RUNX1: variants seen among roughly 807,000 people sequenced by gnomAD.
The protein encoded by RUNX1 is runt-related transcription factor 1.
A neutral mutation model predicts 42.8 loss-of-function variants in RUNX1; 19 were observed. The observed-to-expected ratio is 0.44, with a 90% CI of 0.31 to 0.65. The LOEUF (loss-of-function observed/expected upper bound fraction) is 0.65, where lower values mean the gene tolerates loss of function less well. Ranked by LOEUF, RUNX1 falls within the 30% of genes least tolerant of loss-of-function variation. The probability of loss-of-function intolerance (pLI) is 0.07; values close to 1 mark genes in which losing one functional copy is unlikely to be tolerated. For missense variants in RUNX1, 528 were observed against 672.0 expected, an observed-to-expected ratio of 0.79 and a Z score of 2.37; for synonymous variants, 271 against 289.4, an observed-to-expected ratio of 0.94 and a Z score of 0.64.
chr21:34,962,559 T>C (rs1484929757), intron 2 of RUNX1, among the ~76,000 whole-genome samples: 1 of 148,770 alleles, frequency 6.7e-6, no homozygotes, highest in Admixed American at 6.8e-5. Context: ...TGCTCAACCA[T>C]TGATGTGATT....
At chr21:34,801,228 A>G (rs1307055368) in intron 7 of RUNX1, among the ~76,000 whole-genome samples, 1 of 152,094 alleles carries the variant, frequency 6.6e-6, no homozygotes, top group Non-Finnish European at 1.5e-5. Context: ...CAAACAAAAG[A>G]GGTTTCAGAA....
chr21:34,973,362 C>T (rs944995878), intron 2 of RUNX1, among the ~76,000 whole-genome samples: 3 of 152,178 alleles, frequency 2.0e-5, no homozygotes, highest in Non-Finnish European at 2.9e-5. Flanking sequence ...GCTCAAATCC[C>T]TGCAACGTAC....
chr21:34,948,814 C>T (rs1267868771), intron 2 of RUNX1, among the ~76,000 whole-genome samples: 1 of 152,068 alleles, frequency 6.6e-6, no homozygotes, highest in Non-Finnish European at 1.5e-5. Flanking sequence ...GGCGCGGTCT[C>T]AGCTCATTGC....
chr21:34,810,422 CAAT>C (rs2056743294), intron 7 of RUNX1, among the ~76,000 whole-genome samples: 2 of 152,162 alleles, frequency 1.3e-5, no homozygotes, highest in African/African-American at 4.8e-5. Context: ...GAATTCAAAA[CAAT>C]AAACATGAAA....
At chr21:34,849,777 CCTT>C (rs1158435627) in intron 6 of RUNX1, among the ~76,000 whole-genome samples, 1 of 151,104 alleles carries the variant, frequency 6.6e-6, no homozygotes, top group Non-Finnish European at 1.5e-5. Context: ...AAAAAGCAAA[CCTT>C]CTCTAAAAGT....
intron 6 of RUNX1, among the ~76,000 whole-genome samples, chr21:34,839,716 T>A (rs1252774385): frequency 6.6e-6 from 1 of 152,088 alleles, no homozygotes; most frequent in Non-Finnish European, 1.5e-5. Context: ...GCCTGAGAAT[T>A]TGGAGTTCTA....
intron 2 of RUNX1, among the ~76,000 whole-genome samples, chr21:34,942,514 G>A (rs918827549): frequency 1.3e-5 from 2 of 152,044 alleles, no homozygotes; most frequent in African/African-American, 4.8e-5. Context: ...GTCCATTATT[G>A]CTCTAAGAGC....
intron 8 of RUNX1, among the ~76,000 whole-genome samples, chr21:34,793,354 GTATAGA>G (rs1279400461): frequency 6.6e-6 from 1 of 152,096 alleles, no homozygotes; most frequent in African/African-American, 2.4e-5. Context: ...AATATGTATA[GTATAGA>G]TATAATGTGC....
chr21:35,004,720 C>T (rs554160148), intron 2 of RUNX1, among the ~76,000 whole-genome samples: 9 of 152,280 alleles, frequency 5.9e-5, no homozygotes, highest in African/African-American at 1.9e-4. Flanking sequence ...GACAAGGGAT[C>T]ATGTATTTGG....
chr21:35,035,594 C>T (rs1683152356), intron 2 of RUNX1, among the ~76,000 whole-genome samples: 1 of 152,180 alleles, frequency 6.6e-6, no homozygotes, highest in African/African-American at 2.4e-5. Flanking sequence ...AGGCAGTGTG[C>T]CTCACACCAT....
chr21:34,989,126 A>G (rs1169151342), intron 2 of RUNX1, among the ~76,000 whole-genome samples: 1 of 151,850 alleles, frequency 6.6e-6, no homozygotes, highest in African/African-American at 2.4e-5. Context: ...CTCCTGCCTC[A>G]ATCTCCTGAG....
intron 2 of RUNX1, among the ~76,000 whole-genome samples, chr21:35,016,165 G>C (rs73900781): frequency 6.6e-6 from 1 of 152,228 alleles, no homozygotes; most frequent in African/African-American, 2.4e-5. Context: ...TTTTGCCTAA[G>C]ACAGGCCTTG....
Position 34,792,542 on chromosome 21 carries a change from G to A in RUNX1, c.1036C>T (p.Arg346Cys), listed in dbSNP as rs1378698695. 1 of 1,606,706 alleles carries A rather than the reference G, an allele frequency of 6.2e-7. No homozygotes were observed. Among genetic ancestry groups the A allele is most frequent in the Non-Finnish European group, 8.5e-7 (1 of 1,176,782 alleles). The part of the protein sequence containing the change: ...FPALPSISDP[R>C]MHYPGAFTYS... Reference sequence around the variant, plus strand: ...GTGAAGGCGCCTGGATAGTGCATGCGGGGGTCGGAGATGGAGGGCAGCGCG... The same window carrying A: ...GTGAAGGCGCCTGGATAGTGCATGCAGGGGTCGGAGATGGAGGGCAGCGCG... The change falls in exon 9 of 9, where the codon CGC becomes TGC. Residue 346 changes from arginine (R) to cysteine (C), a missense_variant. Coordinates refer to ENST00000675419, the MANE Select transcript of RUNX1 (RefSeq NM_001754.5). This position sits in a 1 kb window ranked among gnomAD's most constrained non-coding sequence, Gnocchi z 6.9.
At chr21:34,948,199 AAAGCCAAACATCAAT>A (rs1193985207) in intron 2 of RUNX1, among the ~76,000 whole-genome samples, 18 of 152,174 alleles carry the variant, frequency 1.2e-4, no homozygotes, top group African/African-American at 1.9e-4. Flanking sequence ...TATAAATTAA[AAAGCCAAACATCAAT>A]AAGCCAAACA....
chr21:34,902,888 G>A (rs896726068), intron 2 of RUNX1, among the ~76,000 whole-genome samples: 1 of 152,168 alleles, frequency 6.6e-6, no homozygotes, highest in African/African-American at 2.4e-5. Context: ...ACCCATGTCA[G>A]CATATGGCTA....
intron 7 of RUNX1, among the ~76,000 whole-genome samples, chr21:34,803,032 G>A (rs2056629823): frequency 6.6e-6 from 1 of 152,218 alleles, no homozygotes; most frequent in Non-Finnish European, 1.5e-5. Flanking sequence ...CTTATCTGAT[G>A]TTCATTGGTG....
At chr21:34,897,541 A>AATTATAATATATTT (rs1384053609) in intron 2 of RUNX1, among the ~76,000 whole-genome samples, 2 of 152,084 alleles carry the variant, frequency 1.3e-5, no homozygotes, top group Non-Finnish European at 2.9e-5. Context: ...CACATCTCCT[A>AATTATAATATATTT]TGTGACTTGA....
intron 2 of RUNX1, among the ~76,000 whole-genome samples, chr21:35,004,454 T>A (rs2059068810): frequency 6.6e-6 from 1 of 152,222 alleles, no homozygotes; most frequent in Admixed American, 6.5e-5. Context: ...CTCAAGGGAC[T>A]ATGAAAAATC....
At chr21:35,041,237 G>A (rs2059356956) in intron 2 of RUNX1, among the ~76,000 whole-genome samples, 1 of 152,218 alleles carries the variant, frequency 6.6e-6, no homozygotes, top group South Asian at 2.1e-4. Context: ...TGTTGGAGCT[G>A]CATAGTTCTC....
Sources: allele counts gnomAD v4.1 joint callset (sites outside exome capture counted in the v4.1 genomes callset), GRCh38; gene constraint gnomAD v4.1.1; non-coding constraint Gnocchi (gnomAD v3.1); transcripts MANE v1.5; gene names NCBI Gene and HGNC (gene_info 2026-07-23, HGNC 2026-07-21).